CDH15: variants seen among roughly 807,000 people sequenced by gnomAD.
The protein encoded by CDH15 is cadherin-15.
In CDH15, 73 loss-of-function variants were observed where a neutral mutation model predicts 69.4. That is an observed-to-expected ratio of 1.05 (90% CI 0.87 to 1.28). The LOEUF (loss-of-function observed/expected upper bound fraction) is 1.28. Ranked by LOEUF, CDH15 falls within the 50% of genes most tolerant of loss-of-function variation. The probability of loss-of-function intolerance (pLI) is 0.00; values close to 1 mark genes in which losing one functional copy is unlikely to be tolerated. For missense variants in CDH15, 1,343 were observed against 1,133.6 expected (o/e 1.18, Z -2.65); for synonymous variants, 624 against 507.7 (o/e 1.23, Z -3.08).
intron 8 of CDH15, among the ~76,000 whole-genome samples, chr16:89,190,763 C>T (rs1915619809): frequency 1.3e-5 from 2 of 152,154 alleles, no homozygotes; most frequent in African/African-American, 4.8e-5. Flanking sequence ...CCCTTGCTCC[C>T]AAGGGACTGG....
intron 10 of CDH15, 43 bp downstream of exon 10, chr16:89,191,937 C>A: frequency 6.7e-7 from 1 of 1,499,004 alleles, no homozygotes; most frequent in Non-Finnish European, 8.9e-7. Flanking sequence ...CCCCACGCTC[C>A]CCCCACCCCC....
intron 2 of CDH15, 95 bp downstream of exon 2, chr16:89,179,669 G>T: frequency 1.5e-6 from 2 of 1,344,584 alleles, no homozygotes; most frequent in Non-Finnish European, 2.0e-6. Context: ...AGCCAGCGGG[G>T]CCCCATTTCA....
rs1221787847 is a variant in CDH15, at chr16:89,187,541, A to C, written c.776A>C (p.Glu259Ala). 20 of 1,613,508 alleles carry C rather than the reference A, an allele frequency of 1.2e-5. No homozygotes were observed. The highest frequency in any genetic ancestry group is 1.7e-5 in the Admixed American group (1 of 60,004). Residue 259 changes from glutamate to alanine, a missense_variant, in exon 6 of 14, where the codon GAG becomes GCG. Glu to Ala is a moderately radical substitution (Grantham distance 107, BLOSUM62 -1). Transcript: ENST00000289746. ...TLDDINDNAPEFTRDEFFMEA... is the reference protein window; with the variant it reads ...TLDDINDNAPAFTRDEFFMEA... ...GATGACATCAATGACAATGCCCCCG[A>C]GTTCACCAGGGATGAGGTGCTGCTG... is the stretch of plus-strand genomic sequence containing the variant.
chr16:89,182,799 TAG>T (rs1243910847), intron 3 of CDH15: 1 of 152,196 alleles, frequency 6.6e-6, no homozygotes, highest in Non-Finnish European at 1.5e-5. Flanking sequence ...CAAAAGTTAT[TAG>T]AGAGTATTTC....
intron 10 of CDH15, 54 bp downstream of exon 10, chr16:89,191,948 A>G: frequency 7.0e-7 from 1 of 1,428,106 alleles, no homozygotes; most frequent in Non-Finnish European, 9.4e-7. Context: ...CCCCACCCCC[A>G]CATTCCGGCC....
chr16:89,188,739 TG>T (rs1915557487), intron 7 of CDH15, among the ~76,000 whole-genome samples: 1 of 116,086 alleles, frequency 8.6e-6, no homozygotes, highest in African/African-American at 3.4e-5. Context: ...CACACACAGA[TG>T]CCGGCACACA....
intron 5 of CDH15, 174 bp downstream of exon 5, chr16:89,185,507 A>G (rs1430487537): frequency 1.3e-6 from 1 of 794,526 alleles, no homozygotes; most frequent in Admixed American, 2.1e-5. Context: ...ACTGATGCGC[A>G]GACAGGAGCC....
rs530162353 is a variant in CDH15 at position 89,186,352 on chromosome 16, G to T, written c.663+1019G>T. On this transcript the variant is annotated intron_variant, in intron 5 of 13. Transcript: ENST00000289746. ...GGTGCTCTGTAAAGGCTCACCCAGC[G>T]CACAGAAGGTGCTCTGTAAAGGCTC... Among the ~76,000 whole-genome samples, 52 of 134,452 alleles carry T rather than the reference G, an allele frequency of 3.9e-4. 2 individuals are homozygous for T. The highest frequency in any genetic ancestry group is 1.1e-3 in the African/African-American group (37 of 34,652). 88.2% of individuals were successfully genotyped at this position (134,452 alleles called of 152,430 possible). A position where few individuals can be genotyped will look rare whatever the true frequency, so the allele number is the denominator to read the frequency against.
At chr16:89,193,359 C>T (rs1340550602) in intron 11 of CDH15, 111 bp from the exon 12 acceptor site, 6 of 633,666 alleles carry the variant, frequency 9.5e-6, no homozygotes, top group Non-Finnish European at 1.3e-5. Context: ...AACCCCACCC[C>T]TGCTTACCAG....
At chr16:89,173,803 G>C (rs1219440396) in intron 1 of CDH15, among the ~76,000 whole-genome samples, 1 of 152,212 alleles carries the variant, frequency 6.6e-6, no homozygotes, top group Non-Finnish European at 1.5e-5. Context: ...GGTGTCTTCA[G>C]AACTGGCCCC....
chr16:89,173,123 A>G (rs570708193), intron 1 of CDH15, among the ~76,000 whole-genome samples: 2 of 152,124 alleles, frequency 1.3e-5, no homozygotes, highest in South Asian at 4.1e-4. Context: ...CCCCATCTGG[A>G]GACAGTGGTG....
chr16:89,194,685 A>G (rs963929316), intron 13 of CDH15, among the ~76,000 whole-genome samples, 177 bp from the exon 14 acceptor site: 1 of 151,994 alleles, frequency 6.6e-6, no homozygotes, highest in Non-Finnish European at 1.5e-5. Context: ...CCTCTTCACA[A>G]CCCTGCTGCT....
intron 1 of CDH15, among the ~76,000 whole-genome samples, chr16:89,172,694 G>A (rs1246303664): frequency 3.3e-5 from 5 of 152,192 alleles, no homozygotes; most frequent in Non-Finnish European, 7.4e-5. Context: ...CTGGAGCCAC[G>A]TCTCCTCACA....
At chr16:89,194,667 C>G (rs942464034) in intron 13 of CDH15, among the ~76,000 whole-genome samples, 195 bp from the exon 14 acceptor site, 2 of 152,134 alleles carry the variant, frequency 1.3e-5, no homozygotes, top group East Asian at 3.9e-4. Flanking sequence ...GGGGGTAGTC[C>G]GTGGCACCCT....
intron 7 of CDH15, among the ~76,000 whole-genome samples, chr16:89,188,934 AGATGCCCACACTGTCCACACACC>A (rs1159099935): frequency 6.9e-6 from 1 of 145,686 alleles, no homozygotes; most frequent in Non-Finnish European, 1.5e-5. Context: ...GCCCACACAC[AGATGCCCACACTGTCCACACACC>A]GATGCTGGCA....
At position 89,180,317 on chromosome 16, in the gene CDH15, A is replaced by G. The variant is rs765376733; in HGVS notation, c.319A>G (p.Asn107Asp). 6 of 1,612,768 alleles carry G rather than the reference A, an allele frequency of 3.7e-6. No individual in the cohort carries two copies. The South Asian group carries it at 5.5e-5, about 15-fold the overall frequency. Reference sequence around the variant, plus strand: ...CAAGTTCACAGGGAAGGTCTTCCTCAATGCCATGCTGGACCGCGAGAAGAC... The same window carrying G: ...CAAGTTCACAGGGAAGGTCTTCCTCGATGCCATGCTGGACCGCGAGAAGAC... ...IDKFTGKVFL[N>D]AMLDREKTDR... The change falls in exon 3 of 14, where the codon AAT (asparagine) becomes GAT (aspartate). Residue 107 changes from asparagine (N) to aspartate (D), a missense_variant. Asn to Asp is a conservative substitution (Grantham distance 23). Transcript: ENST00000289746.
At chr16:89,194,581 A>G (rs992442948) in intron 13 of CDH15, among the ~76,000 whole-genome samples, 2 of 151,938 alleles carry the variant, frequency 1.3e-5, no homozygotes, top group Non-Finnish European at 2.9e-5. Flanking sequence ...GGTGAGGGGG[A>G]GCAACCCCTT....
At chr16:89,185,451 G>A (rs1290390203) in intron 5 of CDH15, 118 bp downstream of exon 5, 6 of 1,134,864 alleles carry the variant, frequency 5.3e-6, no homozygotes, top group Non-Finnish European at 6.4e-6. Flanking sequence ...TCACTGCAGA[G>A]CTTGCAGTGG....
rs80082371 is a variant in CDH15, at chr16:89,172,666, G to A, written c.42+793G>A. ...GCCCAGGCCTCAGCCCCCCACACCC[G>A]ACATGGGTACTGCCTAGCTGGAGCC... On this transcript the variant is annotated intron_variant, in intron 1 of 13. Transcript: ENST00000289746. Among the ~76,000 whole-genome samples the A allele has an allele frequency of 3.7e-3, 567 of 152,292 alleles. 3 individuals carry two copies. Among genetic ancestry groups the A allele is most frequent in the African/African-American group, 0.013 (532 of 41,574 alleles).
Sources: gnomAD v4.1 joint callset for allele counts (sites outside exome capture counted in the v4.1 genomes callset) on GRCh38, gnomAD v4.1.1 for gene constraint, MANE v1.5 for transcripts, NCBI Gene and HGNC (gene_info 2026-07-23, HGNC 2026-07-21) for gene names.